Variants in STAG1 observed in about 807,000 individuals in gnomAD.
STAG1 encodes STAG1 cohesin complex component, also known as cohesin subunit SA-1.
In STAG1, 26 loss-of-function variants were observed where a neutral mutation model predicts 170.9. The observed-to-expected ratio is 0.15, with a 90% CI of 0.11 to 0.21. The LOEUF (loss-of-function observed/expected upper bound fraction) is 0.21. Ranked by LOEUF, STAG1 falls within the 10% of genes least tolerant of loss-of-function variation. The probability of loss-of-function intolerance (pLI) is 1.00; values close to 1 mark genes in which losing one functional copy is unlikely to be tolerated. For synonymous variants in STAG1, 514 were observed against 497.7 expected, an observed-to-expected ratio of 1.03 and a Z score of -0.44; for missense variants, 964 against 1,509.5, an observed-to-expected ratio of 0.64 and a Z score of 5.99.
chr3:136,690,578 C>A (rs985106135), intron 1 of STAG1, among the ~76,000 whole-genome samples: 1 of 152,114 alleles, frequency 6.6e-6, no homozygotes, highest in South Asian at 2.1e-4. Context: ...TCATGAGCAA[C>A]CCCAAAGGCA....
intron 26 of STAG1, among the ~76,000 whole-genome samples, chr3:136,363,128 C>G (rs1265920429): frequency 6.6e-6 from 1 of 151,960 alleles, no homozygotes; most frequent in Non-Finnish European, 1.5e-5. Context: ...TTCATCTAGT[C>G]CAAGAATAAA....
chr3:136,476,105 C>T (rs1443187688), intron 10 of STAG1, among the ~76,000 whole-genome samples: 1 of 152,198 alleles, frequency 6.6e-6, no homozygotes, highest in East Asian at 1.9e-4. Context: ...GAAAATATGG[C>T]TCATGCCCAC....
intron 13 of STAG1, among the ~76,000 whole-genome samples, chr3:136,461,204 G>A (rs2089263592): frequency 6.6e-6 from 1 of 152,132 alleles, no homozygotes; most frequent in South Asian, 2.1e-4. Context: ...GTCCACATAT[G>A]ACAAACCCAC....
intron 1 of STAG1, among the ~76,000 whole-genome samples, chr3:136,636,389 C>A (rs534964944): frequency 6.6e-6 from 1 of 152,066 alleles, no homozygotes; most frequent in Non-Finnish European, 1.5e-5. Flanking sequence ...ATTTGTGAAG[C>A]CACTTTTCAA....
chr3:136,542,917 G>GT (rs1935978065), intron 5 of STAG1, among the ~76,000 whole-genome samples: 2 of 152,046 alleles, frequency 1.3e-5, no homozygotes. Context: ...CAGACCCATG[G>GT]TTTACATGCA....
intron 3 of STAG1, among the ~76,000 whole-genome samples, chr3:136,611,144 T>C (rs567674312): frequency 6.6e-6 from 1 of 152,226 alleles, no homozygotes; most frequent in East Asian, 1.9e-4. Context: ...CTGAAAGGAA[T>C]TTTACATAAT....
At chr3:136,410,753 CACTTGAGGTCAGGAGCTTGAG>C (rs1396812773) in intron 21 of STAG1, among the ~76,000 whole-genome samples, 1 of 152,162 alleles carries the variant, frequency 6.6e-6, no homozygotes, top group Non-Finnish European at 1.5e-5. Flanking sequence ...GTGGGTGGAT[CACTTGAGGTCAGGAGCTTGAG>C]ACCAGCCTGG....
chr3:136,396,209 GTTTTTTTTTTTTT>G (rs1157402968), intron 22 of STAG1, among the ~76,000 whole-genome samples: 1 of 87,952 alleles, frequency 1.1e-5, no homozygotes, highest in African/African-American at 4.2e-5. Context: ...GTGTAACACA[GTTTTTTTTTTTTT>G]TTTTTTTTTT....
chr3:136,369,369 T>C lies in STAG1; in HGVS notation c.2371-87A>G, dbSNP rs530681201. On this transcript the variant is annotated intron_variant, in intron 23 of 33. Transcript: ENST00000383202. ...AATGAAAATGTATGAAATTAAAACA[T>C]AGTTTAATAGCAGTACCATAATATA... is the stretch of plus-strand genomic sequence containing the variant. 118 of 1,039,724 alleles carry C rather than the reference T, an allele frequency of 1.1e-4. 1 individual carries two copies. In the East Asian group the frequency reaches 2.7e-3, roughly 24 times the overall value. The allele number at this position is 1,039,724 out of a possible 1,614,324, so 64.4% of individuals were successfully genotyped here.
rs773665326 is a variant in STAG1, at chr3:136,646,894, A to C, written c.-83-15913T>G. On this transcript the variant is annotated intron_variant, in intron 1 of 33. Coordinates refer to ENST00000383202, the MANE Select transcript of STAG1 (RefSeq NM_005862.3). ...GCCACTGCACTCCAGCCTGGGCAAC[A>C]GAGCGAGACTCCATCTGAAAAAAAT... is the stretch of plus-strand genomic sequence containing the variant. Among the ~76,000 whole-genome samples, 52 of 152,294 alleles carry C rather than the reference A, an allele frequency of 3.4e-4. 1 individual carries two copies. Among genetic ancestry groups the C allele is most frequent in the Non-Finnish European group, 4.0e-4 (27 of 68,020 alleles).
At chr3:136,510,464 T>C (rs1934000992) in intron 7 of STAG1, among the ~76,000 whole-genome samples, 1 of 151,932 alleles carries the variant, frequency 6.6e-6, no homozygotes, top group Non-Finnish European at 1.5e-5. Context: ...AATTTTTGTA[T>C]TTTTAGTAGA....
chr3:136,706,638 C>T (rs1359454654), intron 1 of STAG1, among the ~76,000 whole-genome samples: 2 of 152,132 alleles, frequency 1.3e-5, no homozygotes, highest in Non-Finnish European at 1.5e-5. Flanking sequence ...GCAATACTCT[C>T]CAAAACAACG....
Position 136,616,558 on chromosome 3 carries a change from A to T in STAG1, c.132+6588T>A, listed in dbSNP as rs557149901. On this transcript the variant is annotated intron_variant, in intron 3 of 33. Transcript: ENST00000383202. ...GAGTGCACATTTAAGCTCCAAAAAA[A>T]TTTTTTATAGAGATCTTTGTTTCTT... is the stretch of plus-strand genomic sequence containing the variant. Among the ~76,000 whole-genome samples the T allele has an allele frequency of 7.0e-4, 107 of 152,304 alleles. 1 individual carries two copies. The highest frequency in any genetic ancestry group is 2.1e-3 in the African/African-American group (88 of 41,576).
chr3:136,500,163 A>G (rs1933391066), intron 9 of STAG1, 60 bp downstream of exon 9: 3 of 1,132,780 alleles, frequency 2.6e-6, no homozygotes, highest in Non-Finnish European at 3.8e-6. Flanking sequence ...CCTGGGCCAC[A>G]AAAAAAATCA....
chr3:136,730,179 C>A (rs1933934621), intron 1 of STAG1, among the ~76,000 whole-genome samples: 1 of 152,016 alleles, frequency 6.6e-6, no homozygotes, highest in Non-Finnish European at 1.5e-5. Context: ...CAGGCCCACA[C>A]CACCACACCC....
intron 1 of STAG1, among the ~76,000 whole-genome samples, chr3:136,693,584 G>A (rs1020188245): frequency 1.3e-5 from 2 of 152,090 alleles, no homozygotes; most frequent in Non-Finnish European, 2.9e-5. Context: ...GCCACGTAGA[G>A]CCCTAATTGT....
intron 1 of STAG1, among the ~76,000 whole-genome samples, chr3:136,741,861 T>C (rs1934688589): frequency 6.6e-6 from 1 of 152,152 alleles, no homozygotes. Context: ...TAGAAAAAGA[T>C]ATATTATGGA....
chr3:136,722,296 G>A (rs111316781), intron 1 of STAG1, among the ~76,000 whole-genome samples: 9 of 152,214 alleles, frequency 5.9e-5, no homozygotes, highest in South Asian at 2.1e-4. Context: ...ATATCTTTCC[G>A]TTTTTGTCCT....
chr3:136,522,280 T>C (rs1180858608), intron 6 of STAG1, among the ~76,000 whole-genome samples: 1 of 152,152 alleles, frequency 6.6e-6, no homozygotes. Context: ...TAGTGTGATA[T>C]ACAGAACACC....
Sources: gnomAD v4.1 joint callset for allele counts (sites outside exome capture counted in the v4.1 genomes callset) on GRCh38, gnomAD v4.1.1 for gene constraint, MANE v1.5 for transcripts, NCBI Gene and HGNC (gene_info 2026-07-23, HGNC 2026-07-21) for gene names.